DOCK7: variants seen among roughly 807,000 people sequenced by gnomAD.
DOCK7 encodes the protein dedicator of cytokinesis 7.
Under a neutral mutation model 271.0 loss-of-function variants are expected in DOCK7, and 138 were observed. That is an observed-to-expected ratio of 0.51 (90% CI 0.44 to 0.59). The LOEUF (loss-of-function observed/expected upper bound fraction) is 0.59. Among genes scored for constraint, DOCK7 ranks in the 20% least tolerant of loss-of-function variants. The pLI is 0.00. For synonymous variants in DOCK7, 823 were observed against 876.1 expected (o/e 0.94, Z 1.07); for missense variants, 2,066 against 2,592.4 (o/e 0.80, Z 4.41).
At chr1:62,646,416 TA>T (rs1656672434) in intron 7 of DOCK7, among the ~76,000 whole-genome samples, 1 of 152,146 alleles carries the variant, frequency 6.6e-6, no homozygotes, top group South Asian at 2.1e-4. Context: ...ATTCATATGT[TA>T]AAGCCCTAAC....
chr1:62,495,823 G>C (rs1646604074), intron 38 of DOCK7, 142 bp from the exon 39 acceptor site: 1 of 590,416 alleles, frequency 1.7e-6, no homozygotes, highest in Admixed American at 3.9e-5. Flanking sequence ...GTACAGTATA[G>C]GTATGTGGGG....
rs143396872 is a variant in DOCK7 at position 62,549,103 on chromosome 1, A to G, written c.2766+3629T>C. Among the ~76,000 whole-genome samples the G allele has an allele frequency of 3.9e-3, 599 of 152,280 alleles. 8 individuals carry two copies. Among genetic ancestry groups the G allele is most frequent in the African/African-American group, 0.014 (578 of 41,548 alleles). On this transcript the variant is annotated intron_variant, in intron 22 of 49. Transcript: ENST00000635253. ...CAGAGGCCTGAAACACATCCAGATA[A>G]AGAGATCAGAAAAGGAAGAATCCAC...
intron 17 of DOCK7, 100 bp downstream of exon 17, chr1:62,578,717 CAAAAAAAAAAA>C: frequency 6.6e-6 from 2 of 302,788 alleles, no homozygotes; most frequent in East Asian, 1.5e-4. Context: ...GACTCTGTCT[CAAAAAAAAAAA>C]AAAAAAAAAA....
Position 62,620,001 on chromosome 1 carries a change from C to T in DOCK7, c.1426-8G>A. ...ACTTAAGCGGTCTCCTTCCTGATTT[C>T]AATAATAGAGGAAAAAGTATTTGAT... On this transcript the variant is annotated splice_region_variant and splice_polypyrimidine_tract_variant and intron_variant, in intron 12 of 49. Coordinates refer to ENST00000635253, the MANE Select transcript of DOCK7 (RefSeq NM_001367561.1). 6.2e-7 allele frequency: 1 copy of T among 1,603,760 alleles called. No homozygotes were observed. The highest frequency in any genetic ancestry group is 8.5e-7 in the Non-Finnish European group (1 of 1,172,802).
At chr1:62,601,162 T>C in intron 14 of DOCK7, 1 of 1,610,196 alleles carries the variant, frequency 6.2e-7, no homozygotes, top group Non-Finnish European at 8.5e-7. Context: ...CTCCCTTTCT[T>C]CAGTTGAATG....
chr1:62,680,737 C>T (rs1453118431), intron 1 of DOCK7, among the ~76,000 whole-genome samples: 4 of 151,844 alleles, frequency 2.6e-5, no homozygotes, highest in African/African-American at 9.7e-5. Context: ...TATGAACAGA[C>T]ACTTCTCAAA....
intron 31 of DOCK7, among the ~76,000 whole-genome samples, chr1:62,520,477 G>A (rs1644813738): frequency 2.6e-4 from 2 of 7,696 alleles, no homozygotes; most frequent in South Asian, 0.048. Flanking sequence ...CATTTATGAG[G>A]CCAACAAACA....
At chr1:62,467,667 A>G (rs1645717257) in intron 48 of DOCK7, among the ~76,000 whole-genome samples, 1 of 152,364 alleles carries the variant, frequency 6.6e-6, no homozygotes, top group South Asian at 2.1e-4. Flanking sequence ...GCTGAATTCT[A>G]CCAGACATTC....
chr1:62,662,523 G>A (rs1031584658), intron 2 of DOCK7, among the ~76,000 whole-genome samples: 23 of 152,244 alleles, frequency 1.5e-4, no homozygotes, highest in African/African-American at 5.3e-4. Context: ...AGCAATTTGG[G>A]AGGCCGAGGA....
chr1:62,467,722 A>AGAGAAAGAGATAATC (rs1645718898), intron 48 of DOCK7, among the ~76,000 whole-genome samples: 1 of 152,238 alleles, frequency 6.6e-6, no homozygotes, highest in Middle Eastern at 3.2e-3. Context: ...TCCACAAGAC[A>AGAGAAAGAGATAATC]GAGAAAGAGA....
At chr1:62,673,258 T>TA (rs940859856) in intron 1 of DOCK7, among the ~76,000 whole-genome samples, 4 of 151,962 alleles carry the variant, frequency 2.6e-5, no homozygotes, top group Non-Finnish European at 5.9e-5. Context: ...GAAAAAGGAT[T>TA]AAAAAAAAGA....
intron 31 of DOCK7, chr1:62,516,770 A>G (rs1400577594): frequency 6.6e-6 from 1 of 152,232 alleles, no homozygotes; most frequent in Admixed American, 6.6e-5. Flanking sequence ...TGATCACCAC[A>G]CACATAGCTC....
chr1:62,532,593 G>A (rs192493609), intron 29 of DOCK7, among the ~76,000 whole-genome samples: 2 of 152,256 alleles, frequency 1.3e-5, no homozygotes, highest in East Asian at 3.9e-4. Flanking sequence ...CCTCAGCCTC[G>A]CAAAGTGTTG....
intron 4 of DOCK7, among the ~76,000 whole-genome samples, chr1:62,651,991 T>C (rs1657440207): frequency 6.6e-6 from 1 of 152,192 alleles, no homozygotes; most frequent in Non-Finnish European, 1.5e-5. Flanking sequence ...TACCTAGTCT[T>C]CTGGGTATGA....
intron 14 of DOCK7, chr1:62,598,549 AAAG>A: frequency 1.6e-6 from 1 of 619,120 alleles, no homozygotes; most frequent in Non-Finnish European, 2.9e-6. Flanking sequence ...GTGCTATTTG[AAAG>A]AAGCATACAA....
chr1:62,570,479 A>G (rs1646735513), intron 18 of DOCK7, among the ~76,000 whole-genome samples: 1 of 152,206 alleles, frequency 6.6e-6, no homozygotes, highest in Non-Finnish European at 1.5e-5. Flanking sequence ...CATACTGCCC[A>G]AAGTAATTTA....
At chr1:62,590,566 G>C (rs896609785) in intron 14 of DOCK7, among the ~76,000 whole-genome samples, 2 of 152,150 alleles carry the variant, frequency 1.3e-5, no homozygotes, top group Admixed American at 6.5e-5. Flanking sequence ...TCGTGGTCTA[G>C]AGGGGAAATC....
At chr1:62,625,192 C>T (rs1182279041) in intron 12 of DOCK7, 67 bp downstream of exon 12, 2 of 1,549,428 alleles carry the variant, frequency 1.3e-6, no homozygotes, top group Non-Finnish European at 8.8e-7. Context: ...ACAATCACTA[C>T]CTTTCTGAAA....
rs765400205 is a variant in DOCK7 at position 62,475,761 on chromosome 1, C to A, written c.5907G>T (p.Thr1969=). 1 of 1,614,012 alleles carries A rather than the reference C, an allele frequency of 6.2e-7. No individual in the cohort carries two copies. The highest frequency in any genetic ancestry group is 1.1e-5 in the South Asian group (1 of 91,082). Residue 1969 remains threonine, a synonymous_variant, in exon 46 of 50, where the codon ACG becomes ACT. Coordinates refer to ENST00000635253, the MANE Select transcript of DOCK7 (RefSeq NM_001367561.1). ...TTTTAATATAAGGAAAGGCATGAGA[C>A]GTAGTCAGAATGGTCTTCCTTTTGA... ...EQFKRKTILT[T]SHAFPYIKTR...
Sources: gnomAD v4.1 joint callset for allele counts (sites outside exome capture counted in the v4.1 genomes callset) on GRCh38, gnomAD v4.1.1 for gene constraint, MANE v1.5 for transcripts, NCBI Gene and HGNC (gene_info 2026-07-23, HGNC 2026-07-21) for gene names.